Variants in PSG3 observed in about 807,000 individuals in gnomAD.
The protein encoded by PSG3 is pregnancy specific beta-1-glycoprotein 3.
A neutral mutation model predicts 47.5 loss-of-function variants in PSG3; 61 were observed. The observed-to-expected ratio is 1.28, with a 90% CI of 1.05 to 1.59. PSG3 has a LOEUF of 1.59. Among genes scored for constraint, PSG3 ranks in the 40% most tolerant of loss-of-function variants. The pLI is 0.00. For synonymous variants in PSG3, 263 were observed against 198.4 expected (o/e 1.33, Z -2.74); for missense variants, 756 against 524.0 (o/e 1.44, Z -4.32).
chr19:42,736,630 GT>G (rs1969567983), intron 2 of PSG3, among the ~76,000 whole-genome samples: 1 of 151,194 alleles, frequency 6.6e-6, no homozygotes, highest in Non-Finnish European at 1.5e-5. Context: ...GTGTGTGTGT[GT>G]GTGTGTGTGT....
At chr19:42,734,180 C>T (rs1969523398) in intron 2 of PSG3, 1 of 152,184 alleles carries the variant, frequency 6.6e-6, no homozygotes, top group Non-Finnish European at 1.5e-5. Flanking sequence ...TAGAGATCTC[C>T]TGTACAGCTT....
chr19:42,727,746 A>G (rs1271998703), intron 5 of PSG3, among the ~76,000 whole-genome samples: 3 of 152,230 alleles, frequency 2.0e-5, no homozygotes, highest in Non-Finnish European at 4.4e-5. Flanking sequence ...ATAAATTACC[A>G]TTTGATCCAG....
intron 3 of PSG3, chr19:42,732,322 G>T (rs1294998238): frequency 4.9e-6 from 1 of 205,844 alleles, no homozygotes; most frequent in Non-Finnish European, 1.0e-5. Context: ...AGGAGAGCTT[G>T]GGGGCTTCCC....
At chr19:42,730,936 C>T (rs1182821602) in intron 3 of PSG3, among the ~76,000 whole-genome samples, 1 of 152,182 alleles carries the variant, frequency 6.6e-6, no homozygotes, top group Non-Finnish European at 1.5e-5. Context: ...CCTCATGGAC[C>T]ATATGTGTTT....
chr19:42,740,455 C>T lies in PSG3; in HGVS notation c.-71G>A. 2.5e-6 allele frequency: 4 copies of T among 1,609,460 alleles called. No homozygotes were observed. The highest frequency in any genetic ancestry group is 1.1e-5 in the South Asian group (1 of 90,834). On this transcript the variant is annotated 5_prime_UTR_variant, in exon 1 of 7. Transcript: ENST00000327495. ...ATCCAGAAACTTCCTGAGCATGGCTCTCAGCTGTGCTGTCCTTCCTCCTTC... is the reference window on the plus strand; with the variant it reads ...ATCCAGAAACTTCCTGAGCATGGCTTTCAGCTGTGCTGTCCTTCCTCCTTC...
chr19:42,735,361 C>A (rs1015772014), intron 2 of PSG3, among the ~76,000 whole-genome samples: 1 of 151,796 alleles, frequency 6.6e-6, no homozygotes, highest in Admixed American at 6.6e-5. Flanking sequence ...TTCTTCATGT[C>A]TCTAAAAACA....
chr19:42,729,497 C>T lies in PSG3; in HGVS notation c.989-120G>A, dbSNP rs1568748684. On this transcript the variant is annotated intron_variant, in intron 4 of 6. Transcript: ENST00000327495. The stretch of plus-strand genomic sequence containing the variant: ...ACACACCCTCAAGTGCCAGCCAAAC[C>T]CCCTCTATGTTCACTGAGCTGAAGC... 8.7e-6 allele frequency: 13 copies of T among 1,499,588 alleles called. No individual in the cohort carries two copies. In the South Asian group the frequency reaches 1.5e-4, roughly 17 times the overall value. The allele number at this position is 1,499,588 out of a possible 1,614,324, so 92.9% of individuals were successfully genotyped here.
chr19:42,733,258 G>C, intron 2 of PSG3, 196 bp from the exon 3 acceptor site: 1 of 1,217,244 alleles, frequency 8.2e-7, no homozygotes, highest in Non-Finnish European at 1.1e-6. Context: ...GCTTCGTGTG[G>C]GAGAAGCACA....
rs1220479035 is a variant in PSG3 at position 42,738,944 on chromosome 19, C to A, written c.210G>T (p.Gly70=). 2 of 1,613,958 alleles carry A rather than the reference C, an allele frequency of 1.2e-6. No homozygotes were observed. The highest frequency in any genetic ancestry group is 1.1e-5 in the South Asian group (1 of 91,078). Residue 70 remains glycine (G), a synonymous_variant, in exon 2 of 7, where the codon GGG becomes GGT. Coordinates refer to ENST00000327495, the MANE Select transcript of PSG3 (RefSeq NM_021016.4). ...TGTAATGGTAGAGGTCCTTCATTTG[C>A]CCTTTGTACCAGATGTAGCCAGCAA... ...QNLAGYIWYK[G]QMKDLYHYIT...
Position 42,729,332 on chromosome 19 carries a change from T to G in PSG3, c.1034A>C (p.His345Pro). ...PRIYPSFTYY[H>P]SGENLYLSCF... ...GGACAAGTAGAGGTTTTCTCCTGAA[T>G]GGTAATAGGTGAATGAAGGGTAAAT... The change falls in exon 5 of 7, where the codon CAT (histidine) becomes CCT (proline). Residue 345 changes from histidine to proline, a missense_variant. By Grantham distance (77) the His-to-Pro change is moderately conservative. Coordinates refer to ENST00000327495, the MANE Select transcript of PSG3 (RefSeq NM_021016.4). The G allele has an allele frequency of 2.5e-6, 4 of 1,614,092 alleles. No homozygotes were observed. The highest frequency in any genetic ancestry group is 3.4e-6 in the Non-Finnish European group (4 of 1,179,976).
chr19:42,724,092 A>T, intron 5 of PSG3, 67 bp from the exon 6 acceptor site: 1 of 1,530,282 alleles, frequency 6.5e-7, no homozygotes, highest in Non-Finnish European at 9.0e-7. Flanking sequence ...AGCCTCAGGA[A>T]CAAGCATGTA....
chr19:42,735,398 G>A lies in PSG3; in HGVS notation c.431-2336C>T, dbSNP rs139724381. ...TTTTTTTTTTCTGAGACAGAGTCTCGCTCTGTCACCTAGGCTGGAGTGCAG... is the reference window on the plus strand; with the variant it reads ...TTTTTTTTTTCTGAGACAGAGTCTCACTCTGTCACCTAGGCTGGAGTGCAG... On this transcript the variant is annotated intron_variant, in intron 2 of 6. Coordinates refer to ENST00000327495, the MANE Select transcript of PSG3 (RefSeq NM_021016.4). Among the ~76,000 whole-genome samples, 31 of 151,344 alleles carry A rather than the reference G, an allele frequency of 2.0e-4. No individual in the cohort carries two copies. In the East Asian group the frequency reaches 5.7e-3, roughly 28 times the overall value.
Position 42,739,965 on chromosome 19 carries a change from T to G in PSG3, c.64+356A>C, listed in dbSNP as rs147251237. On this transcript the variant is annotated intron_variant, in intron 1 of 6. Transcript: ENST00000327495. ...TTCTTTTTTCTTTCCATTCTTTTTTTTTTTTGAGACGGAGTCTTGTACTGT... is the reference window on the plus strand; with the variant it reads ...TTCTTTTTTCTTTCCATTCTTTTTTGTTTTTGAGACGGAGTCTTGTACTGT... 1.2e-3 allele frequency among the ~76,000 whole-genome samples: 183 copies of G among 152,056 alleles called. 1 individual carries two copies. The highest frequency in any genetic ancestry group is 4.2e-3 in the African/African-American group (173 of 41,484).
At chr19:42,734,539 A>T (rs1421683695) in intron 2 of PSG3, among the ~76,000 whole-genome samples, 2 of 152,218 alleles carry the variant, frequency 1.3e-5, no homozygotes, top group Non-Finnish European at 2.9e-5. Flanking sequence ...AAACATTGAA[A>T]TGTTTTCATA....
At position 42,729,823 on chromosome 19, in the gene PSG3, G is replaced by T. The variant is rs140517799; in HGVS notation, c.943C>A (p.Arg315=). 4 of 1,613,526 alleles carry T rather than the reference G, an allele frequency of 2.5e-6. No individual in the cohort carries two copies. In the African/African-American group the frequency reaches 4.0e-5, roughly 16 times the overall value. ...GGGTAACTGCGGATGCCACCATATC[G>T]GTCCTGTATTTCACATTGATAGGGT... ...TGPYQCEIQD[R]YGGIRSYPVT... The change falls in exon 4 of 7, where the codon CGA becomes AGA. Residue 315 remains arginine, a synonymous_variant. Coordinates refer to ENST00000327495, the MANE Select transcript of PSG3 (RefSeq NM_021016.4).
At position 42,721,739 on chromosome 19, in the gene PSG3, A is replaced by AT. The variant is rs1969303222; in HGVS notation, c.*391dup. 3 of 391,240 alleles carry AT rather than the reference A, an allele frequency of 7.7e-6. No homozygotes were observed. Among genetic ancestry groups the AT allele is most frequent in the Non-Finnish European group, 9.1e-6 (2 of 218,628 alleles). The allele number at this position is 391,240 out of a possible 1,614,324, so 24.2% of individuals were successfully genotyped here. A position where few individuals can be genotyped will look rare whatever the true frequency, so the allele number is the denominator to read the frequency against. ...TTAGGGAGCAAAAGCAAATGTTTCA[A>AT]TTTTTGTTTACAAAAGTATACTTTA... On this transcript the variant is annotated 3_prime_UTR_variant, in exon 7 of 7. Transcript: ENST00000327495.
chr19:42,736,923 A>G (rs1969573960), intron 2 of PSG3, among the ~76,000 whole-genome samples: 1 of 152,076 alleles, frequency 6.6e-6, no homozygotes, highest in Non-Finnish European at 1.5e-5. Flanking sequence ...AAGGGAACTG[A>G]ACAGTCAGCC....
chr19:42,724,377 T>C (rs1441023802), intron 5 of PSG3, among the ~76,000 whole-genome samples: 1 of 152,194 alleles, frequency 6.6e-6, no homozygotes, highest in Admixed American at 6.5e-5. Context: ...GTGGCAGTCA[T>C]GAATGAGACC....
intron 4 of PSG3, 32 bp downstream of exon 4, chr19:42,729,746 T>G (rs1195250063): frequency 3.1e-6 from 5 of 1,588,376 alleles, no homozygotes; most frequent in Non-Finnish European, 4.3e-6. Flanking sequence ...TAAGCTGGTG[T>G]CCTGGCCCAC....
Sources: allele counts gnomAD v4.1 joint callset (sites outside exome capture counted in the v4.1 genomes callset), GRCh38; gene constraint gnomAD v4.1.1; transcripts MANE v1.5; gene names NCBI Gene and HGNC (gene_info 2026-07-23, HGNC 2026-07-21).